The following AFAP1 variants were observed in gnomAD, a reference collection of about 807,000 sequenced individuals.
AFAP1 encodes actin filament-associated protein 1.
AFAP1 carries 75 observed loss-of-function variants against 93.9 expected under a neutral mutation model. That is an observed-to-expected ratio of 0.80 (90% CI 0.66 to 0.97). AFAP1 has a LOEUF of 0.97. AFAP1 is among the 50% of genes least tolerant of loss of function. The pLI, the probability that AFAP1 is intolerant of heterozygous loss-of-function variation, is 0.00. For missense variants in AFAP1, 1,201 were observed against 1,050.8 expected, an observed-to-expected ratio of 1.14 and a Z score of -1.98; for synonymous variants, 517 against 430.7, an observed-to-expected ratio of 1.20 and a Z score of -2.48.
intron 16 of AFAP1, among the ~76,000 whole-genome samples, chr4:7,771,780 T>A (rs1342291580): frequency 6.6e-6 from 1 of 152,174 alleles, no homozygotes; most frequent in Non-Finnish European, 1.5e-5. Flanking sequence ...ACCTGGCTGC[T>A]TGCTCAGCTC....
At chr4:7,832,463 G>C (rs546692875) in intron 6 of AFAP1, among the ~76,000 whole-genome samples, 1 of 152,166 alleles carries the variant, frequency 6.6e-6, no homozygotes, top group South Asian at 2.1e-4. Context: ...TTGATGGAGG[G>C]AGACCTGTGT....
intron 1 of AFAP1, among the ~76,000 whole-genome samples, chr4:7,903,734 G>T (rs981648794): frequency 6.6e-6 from 1 of 152,214 alleles, no homozygotes; most frequent in South Asian, 2.1e-4. Context: ...CCAAAAGAAA[G>T]AACATGAAAG....
At chr4:7,768,424 G>A (rs900853060) in intron 17 of AFAP1, among the ~76,000 whole-genome samples, 1 of 152,218 alleles carries the variant, frequency 6.6e-6, no homozygotes, top group African/African-American at 2.4e-5. Context: ...GCTAGGGAAG[G>A]GGCTGGGGGA....
At chr4:7,849,121 G>A (rs545562926) in intron 4 of AFAP1, among the ~76,000 whole-genome samples, 2 of 152,290 alleles carry the variant, frequency 1.3e-5, no homozygotes, top group South Asian at 2.1e-4. Context: ...CAAGGGGACT[G>A]GAGCGCCACG....
At chr4:7,937,255 G>A (rs1186556688) in intron 1 of AFAP1, among the ~76,000 whole-genome samples, 4 of 152,288 alleles carry the variant, frequency 2.6e-5, no homozygotes, top group South Asian at 2.1e-4. Context: ...AAAAGGGGAA[G>A]AAGAAAAGAA....
chr4:7,870,722 T>A (rs1237855095), intron 2 of AFAP1, among the ~76,000 whole-genome samples: 1 of 152,046 alleles, frequency 6.6e-6, no homozygotes, highest in Non-Finnish European at 1.5e-5. Context: ...CTTTCTTATC[T>A]AAGTGGCAGG....
chr4:7,787,623 G>A (rs1437483390), intron 11 of AFAP1, among the ~76,000 whole-genome samples: 2 of 152,198 alleles, frequency 1.3e-5, no homozygotes, highest in Non-Finnish European at 2.9e-5. Context: ...TGCTGGGCAT[G>A]GGAAAGACCT....
chr4:7,780,687 T>G lies in AFAP1; in HGVS notation c.1782+689A>C, dbSNP rs114036265. 8.4e-3 allele frequency among the ~76,000 whole-genome samples: 1,276 copies of G among 152,098 alleles called. 16 individuals carry two copies. Among genetic ancestry groups the G allele is most frequent in the Middle Eastern group, 0.02 (6 of 294 alleles). On this transcript the variant is annotated intron_variant, in intron 13 of 17. Coordinates refer to ENST00000420658, the MANE Select transcript of AFAP1 (RefSeq NM_001134647.2). Reference sequence around the variant, plus strand: ...AAGGCCTAACACCACAAAATTACTCTGAAATGTTACTGTTTGCCATAGATA... The same window carrying G: ...AAGGCCTAACACCACAAAATTACTCGGAAATGTTACTGTTTGCCATAGATA...
chr4:7,905,067 C>G (rs1429101808), intron 1 of AFAP1, among the ~76,000 whole-genome samples: 1 of 152,162 alleles, frequency 6.6e-6, no homozygotes, highest in Non-Finnish European at 1.5e-5. Context: ...GAGACTGCAG[C>G]GAGTCTCCTG....
intron 3 of AFAP1, among the ~76,000 whole-genome samples, chr4:7,858,200 A>C (rs904471592): frequency 6.6e-6 from 1 of 152,240 alleles, no homozygotes; most frequent in Non-Finnish European, 1.5e-5. Context: ...TTTACATAAA[A>C]GGTGAGTGTT....
At chr4:7,934,759 C>T (rs1231541659) in intron 1 of AFAP1, among the ~76,000 whole-genome samples, 1 of 152,212 alleles carries the variant, frequency 6.6e-6, no homozygotes, top group East Asian at 1.9e-4. Flanking sequence ...TGATGCTTTG[C>T]TGACCTTGAC....
intron 14 of AFAP1, chr4:7,776,781 G>A (rs1716172997): frequency 6.6e-6 from 1 of 152,168 alleles, no homozygotes; most frequent in African/African-American, 2.4e-5. Context: ...TTGCAGCTAA[G>A]GTTAACAACA....
chr4:7,780,099 G>C (rs1173746688), intron 13 of AFAP1, among the ~76,000 whole-genome samples: 1 of 152,172 alleles, frequency 6.6e-6, no homozygotes, highest in South Asian at 2.1e-4. Context: ...AAGACATGTA[G>C]AAACATAGAG....
In AFAP1 at chr4:7,762,218, A is replaced by C. The variant is rs1022491014; in HGVS notation, c.*1547T>G. On this transcript the variant is annotated 3_prime_UTR_variant, in exon 18 of 18. Coordinates refer to ENST00000420658, the MANE Select transcript of AFAP1 (RefSeq NM_001134647.2). ...AACTGTAAAGTCCCGTGCACCACACAGCTAGCGCTCTGAAAGTATGTCTGG... is the reference window on the plus strand; with the variant it reads ...AACTGTAAAGTCCCGTGCACCACACCGCTAGCGCTCTGAAAGTATGTCTGG... 3 of 152,264 alleles carry C rather than the reference A, an allele frequency of 2.0e-5. No individual in the cohort carries two copies. The highest frequency in any genetic ancestry group is 1.5e-5 in the Non-Finnish European group (1 of 68,058). The allele number at this position is 152,264 out of a possible 1,614,324, so 9.4% of individuals were successfully genotyped here.
chr4:7,822,889 G>A (rs899521424), intron 6 of AFAP1, among the ~76,000 whole-genome samples: 6 of 148,550 alleles, frequency 4.0e-5, no homozygotes, highest in African/African-American at 7.6e-5. Flanking sequence ...CACTGCGCCC[G>A]GCCCCTCTTT....
intron 10 of AFAP1, 104 bp downstream of exon 10, chr4:7,800,338 G>C: frequency 8.2e-7 from 1 of 1,219,218 alleles, no homozygotes; most frequent in Non-Finnish European, 1.2e-6. Flanking sequence ...GGTACTGTCA[G>C]CGAGATGGGA....
intron 13 of AFAP1, 88 bp downstream of exon 13, chr4:7,781,288 G>A: frequency 2.1e-5 from 30 of 1,444,234 alleles, no homozygotes; most frequent in Non-Finnish European, 2.5e-5. Flanking sequence ...TGCCTTTGAT[G>A]AGTCCCATTT....
intron 3 of AFAP1, among the ~76,000 whole-genome samples, 159 bp from the exon 4 acceptor site, chr4:7,855,733 C>A (rs111386408): frequency 6.6e-6 from 1 of 152,184 alleles, no homozygotes; most frequent in Non-Finnish European, 1.5e-5. Context: ...AAGGCCAGCC[C>A]TGATGTGTCT....
chr4:7,781,789 C>T lies in AFAP1; in HGVS notation c.1531-162G>A, dbSNP rs113495618. 6.1e-4 allele frequency among the ~76,000 whole-genome samples: 93 copies of T among 152,240 alleles called. 1 individual carries two copies. The highest frequency in any genetic ancestry group is 6.8e-3 in the Middle Eastern group (2 of 294). On this transcript the variant is annotated intron_variant, in intron 12 of 17. Coordinates refer to ENST00000420658, the MANE Select transcript of AFAP1 (RefSeq NM_001134647.2). ...AGTTGTTATCAATAAGGCATGCACC[C>T]ACCACCCCCCTCCCACACACATACA...
Sources: allele counts gnomAD v4.1 joint callset (sites outside exome capture counted in the v4.1 genomes callset), GRCh38; gene constraint gnomAD v4.1.1; transcripts MANE v1.5; gene names NCBI Gene and HGNC (gene_info 2026-07-23, HGNC 2026-07-21).